SPOCK1: variants seen among roughly 807,000 people sequenced by gnomAD.
SPOCK1 encodes testican-1.
A neutral mutation model predicts 55.3 loss-of-function variants in SPOCK1; 23 were observed. The ratio of observed to expected loss-of-function variants is 0.42; its 90% confidence interval spans 0.30 to 0.59. The LOEUF (loss-of-function observed/expected upper bound fraction) is 0.59, where lower values mean the gene tolerates loss of function less well. SPOCK1 is among the 20% of genes least tolerant of loss of function. SPOCK1 has a pLI of 0.22. For missense variants in SPOCK1, 499 were observed against 552.5 expected, an observed-to-expected ratio of 0.90 and a Z score of 0.97; for synonymous variants, 226 against 221.0, an observed-to-expected ratio of 1.02 and a Z score of -0.20.
chr5:137,017,109 G>A (rs546400120), intron 6 of SPOCK1, among the ~76,000 whole-genome samples: 1 of 152,370 alleles, frequency 6.6e-6, no homozygotes, highest in African/African-American at 2.4e-5. Flanking sequence ...TCTCAAGGCT[G>A]CCTGCTGCTT....
intron 2 of SPOCK1, among the ~76,000 whole-genome samples, chr5:137,335,716 G>C (rs1339519018): frequency 6.6e-6 from 1 of 152,192 alleles, no homozygotes; most frequent in Non-Finnish European, 1.5e-5. Context: ...CCCCAGAAAG[G>C]GTCAGGCCTT....
intron 3 of SPOCK1, among the ~76,000 whole-genome samples, chr5:137,171,726 T>C (rs1256059247): frequency 6.6e-6 from 1 of 152,166 alleles, no homozygotes; most frequent in Non-Finnish European, 1.5e-5. Flanking sequence ...ATGACCGTTT[T>C]TTGACCTGCA....
intron 6 of SPOCK1, among the ~76,000 whole-genome samples, chr5:137,038,550 A>G (rs1751928276): frequency 6.6e-6 from 1 of 152,236 alleles, no homozygotes; most frequent in African/African-American, 2.4e-5. Context: ...GGCAAAGGGA[A>G]TAACTACTTA....
chr5:137,432,756 A>AT (rs1752777602), intron 2 of SPOCK1, among the ~76,000 whole-genome samples: 1 of 152,212 alleles, frequency 6.6e-6, no homozygotes, highest in South Asian at 2.1e-4. Context: ...ATTTTATTGC[A>AT]TTTTTAAATA....
At chr5:137,011,083 T>C (rs1751338472) in intron 6 of SPOCK1, among the ~76,000 whole-genome samples, 1 of 152,222 alleles carries the variant, frequency 6.6e-6, no homozygotes, top group African/African-American at 2.4e-5. Context: ...CTTCATTTTC[T>C]TTAAGCATCC....
At chr5:137,376,685 ACTTAT>A (rs768039010) in intron 2 of SPOCK1, among the ~76,000 whole-genome samples, 20 of 152,182 alleles carry the variant, frequency 1.3e-4, no homozygotes, top group East Asian at 1.2e-3. Context: ...TAACTCCTGG[ACTTAT>A]CTTATTTTCA....
intron 2 of SPOCK1, among the ~76,000 whole-genome samples, chr5:137,362,853 ACTAAGCTC>A (rs916399422): frequency 6.6e-6 from 1 of 152,238 alleles, no homozygotes; most frequent in Non-Finnish European, 1.5e-5. Flanking sequence ...CAGGCATTGT[ACTAAGCTC>A]CTGACTTAGC....
chr5:137,317,918 T>A (rs1470467201), intron 2 of SPOCK1, among the ~76,000 whole-genome samples: 1 of 152,206 alleles, frequency 6.6e-6, no homozygotes, highest in African/African-American at 2.4e-5. Context: ...CAGTAGACAC[T>A]TTATTTTTGT....
chr5:137,361,570 T>C (rs945566398), intron 2 of SPOCK1, among the ~76,000 whole-genome samples: 1 of 152,188 alleles, frequency 6.6e-6, no homozygotes, highest in African/African-American at 2.4e-5. Context: ...TAAAATTATT[T>C]AAACAATGTG....
At chr5:137,425,698 G>A (rs1281285987) in intron 2 of SPOCK1, among the ~76,000 whole-genome samples, 1 of 152,146 alleles carries the variant, frequency 6.6e-6, no homozygotes, top group Non-Finnish European at 1.5e-5. Flanking sequence ...TTTTACCAGA[G>A]AGTACAGCAA....
chr5:137,106,405 G>A (rs1487451820), intron 5 of SPOCK1, among the ~76,000 whole-genome samples: 1 of 152,116 alleles, frequency 6.6e-6, no homozygotes, highest in Non-Finnish European at 1.5e-5. Flanking sequence ...AGAAAAGAAA[G>A]GAAAGGATTC....
chr5:137,158,491 G>C (rs1432688207), intron 3 of SPOCK1, among the ~76,000 whole-genome samples: 1 of 152,148 alleles, frequency 6.6e-6, no homozygotes, highest in Non-Finnish European at 1.5e-5. Flanking sequence ...TTGGGACATG[G>C]AACATGTCAA....
At chr5:137,160,646 T>C (rs1212904640) in intron 3 of SPOCK1, among the ~76,000 whole-genome samples, 1 of 93,532 alleles carries the variant, frequency 1.1e-5, no homozygotes, top group Non-Finnish European at 2.0e-5. Flanking sequence ...TAATATATAT[T>C]TTATATAATA....
intron 2 of SPOCK1, among the ~76,000 whole-genome samples, chr5:137,391,572 T>C (rs1751723397): frequency 6.6e-6 from 1 of 152,074 alleles, no homozygotes; most frequent in Non-Finnish European, 1.5e-5. Context: ...CAATGGTGAC[T>C]ACCCCATGAC....
chr5:137,016,353 G>T (rs1184765161), intron 6 of SPOCK1, among the ~76,000 whole-genome samples: 4 of 152,202 alleles, frequency 2.6e-5, no homozygotes, highest in Non-Finnish European at 5.9e-5. Context: ...CAGAAAGTGG[G>T]TATTTAACAA....
chr5:137,182,598 A>T (rs1302778087), intron 3 of SPOCK1, among the ~76,000 whole-genome samples: 2 of 152,122 alleles, frequency 1.3e-5, no homozygotes. Context: ...CCCTTGTCTG[A>T]GTGACCTCCC....
chr5:136,978,364 G>GC lies in SPOCK1; in HGVS notation c.*289dup. 2.7e-6 allele frequency: 1 copy of GC among 372,500 alleles called. No individual in the cohort carries two copies. The highest frequency in any genetic ancestry group is 4.8e-6 in the Non-Finnish European group (1 of 209,752). 23.1% of individuals were successfully genotyped at this position (372,500 alleles called of 1,614,324 possible). A position where few individuals can be genotyped will look rare whatever the true frequency, so the allele number is the denominator to read the frequency against. On this transcript the variant is annotated 3_prime_UTR_variant, in exon 11 of 11. Transcript: ENST00000394945. ...TGTCAGAATTCCACGTAAATCACATGCTTGTTGGAAAAATCTCACAGAAAG... is the reference window on the plus strand; with the variant it reads ...TGTCAGAATTCCACGTAAATCACATGCCTTGTTGGAAAAATCTCACAGAAAG...
intron 3 of SPOCK1, among the ~76,000 whole-genome samples, chr5:137,146,629 A>AACCCGTGCATGC (rs1754199702): frequency 2.6e-5 from 4 of 152,220 alleles, no homozygotes; most frequent in Non-Finnish European, 5.9e-5. Flanking sequence ...TCCCCATGGT[A>AACCCGTGCATGC]ACCCGTGCAT....
chr5:137,185,345 C>A (rs1755047974), intron 3 of SPOCK1, among the ~76,000 whole-genome samples: 1 of 152,164 alleles, frequency 6.6e-6, no homozygotes, highest in Non-Finnish European at 1.5e-5. Context: ...AACCTGCCAC[C>A]AGAAGATAGC....
Sources: allele counts gnomAD v4.1 joint callset (sites outside exome capture counted in the v4.1 genomes callset), GRCh38; gene constraint gnomAD v4.1.1; transcripts MANE v1.5; gene names NCBI Gene and HGNC (gene_info 2026-07-23, HGNC 2026-07-21).